MCTP1: variants seen among roughly 807,000 people sequenced by gnomAD.
The protein encoded by MCTP1 is multiple C2 and transmembrane domain containing 1.
In MCTP1, 69 loss-of-function variants were observed where a neutral mutation model predicts 120.6. The observed-to-expected ratio is 0.57, with a 90% CI of 0.47 to 0.70. The LOEUF (loss-of-function observed/expected upper bound fraction) is 0.70. Ranked by LOEUF, MCTP1 falls within the 30% of genes least tolerant of loss-of-function variation. MCTP1 has a pLI of 0.00. For missense variants in MCTP1, 1,203 were observed against 1,248.8 expected, an observed-to-expected ratio of 0.96 and a Z score of 0.55; for synonymous variants, 529 against 493.1, an observed-to-expected ratio of 1.07 and a Z score of -0.96.
intron 8 of MCTP1, 135 bp downstream of exon 8, chr5:94,917,761 A>G (rs1810461353): frequency 3.3e-6 from 2 of 614,106 alleles, no homozygotes; most frequent in Non-Finnish European, 5.9e-6. Context: ...AAAAAAATTA[A>G]GATTACAATT....
chr5:94,946,615 TG>T lies in MCTP1; in HGVS notation c.982-4189del, dbSNP rs1213848919. ...GAGCTAAAGCTAGTTGACACCCACCTGTAGCTCAGTCCTGGTCTTGGCTTTA... is the reference window on the plus strand; with the variant it reads ...GAGCTAAAGCTAGTTGACACCCACCTTAGCTCAGTCCTGGTCTTGGCTTTA... On this transcript the variant is annotated intron_variant, in intron 3 of 22. Transcript: ENST00000515393. Among the ~76,000 whole-genome samples the T allele has an allele frequency of 2.0e-5, 3 of 152,304 alleles. No individual in the cohort carries two copies. The East Asian group carries it at 5.8e-4, about 29-fold the overall frequency.
intron 8 of MCTP1, 43 bp from the exon 9 acceptor site, chr5:94,913,019 C>T (rs780883978): frequency 5.3e-6 from 8 of 1,500,026 alleles, no homozygotes; most frequent in Non-Finnish European, 6.3e-6. Context: ...GTGTTTTAAA[C>T]CCAAAAACCT....
chr5:94,988,025 C>T (rs1830729832), intron 2 of MCTP1, among the ~76,000 whole-genome samples: 1 of 152,174 alleles, frequency 6.6e-6, no homozygotes, highest in African/African-American at 2.4e-5. Flanking sequence ...CCTCTTGCCA[C>T]AGTCACTCCA....
intron 17 of MCTP1, chr5:94,825,980 G>A (rs958647072): frequency 1.5e-5 from 4 of 267,984 alleles, no homozygotes; most frequent in African/African-American, 6.8e-5. Flanking sequence ...TAATAAGCCT[G>A]TTGATCTGGT....
intron 17 of MCTP1, among the ~76,000 whole-genome samples, chr5:94,818,050 T>C (rs1285891578): frequency 2.6e-5 from 4 of 152,298 alleles, no homozygotes; most frequent in Admixed American, 6.5e-5. Context: ...CTGTGGGTCT[T>C]TGGGATTACA....
chr5:95,073,535 C>G (rs1752768921), intron 1 of MCTP1, among the ~76,000 whole-genome samples: 1 of 152,200 alleles, frequency 6.6e-6, no homozygotes, highest in South Asian at 2.1e-4. Flanking sequence ...CTACAAAGAT[C>G]TGTTGTTCAC....
intron 17 of MCTP1, chr5:94,826,276 T>C: frequency 2.2e-6 from 1 of 464,398 alleles, no homozygotes. Context: ...GGAACCCCCA[T>C]GCAATATATG....
At chr5:94,988,379 A>G (rs1475087294) in intron 2 of MCTP1, among the ~76,000 whole-genome samples, 3 of 152,056 alleles carry the variant, frequency 2.0e-5, no homozygotes, top group African/African-American at 7.2e-5. Flanking sequence ...AGTCATTTCA[A>G]TCTTCCCTAA....
At chr5:94,940,047 C>T in intron 5 of MCTP1, 37 bp downstream of exon 5, 1 of 1,263,754 alleles carries the variant, frequency 7.9e-7, no homozygotes. Flanking sequence ...AACTTTCAAA[C>T]AAGAAAGAGC....
At position 94,706,518 on chromosome 5, in the gene MCTP1, A is replaced by C. The variant is rs1337081879; in HGVS notation, c.*978T>G. On this transcript the variant is annotated 3_prime_UTR_variant, in exon 23 of 23. Coordinates refer to ENST00000515393, the MANE Select transcript of MCTP1 (RefSeq NM_024717.7). The stretch of plus-strand genomic sequence containing the variant: ...CACTGAATTCTCTACATTAAAATTC[A>C]CACTAATAACAAAATCATAGTATGA... 1 of 151,768 alleles carries C rather than the reference A, an allele frequency of 6.6e-6. No homozygotes were observed. The highest frequency in any genetic ancestry group is 1.5e-5 in the Non-Finnish European group (1 of 67,796). The allele number at this position is 151,768 out of a possible 1,614,324, so 9.4% of individuals were successfully genotyped here.
At chr5:94,765,708 GA>G (rs70978128) in intron 19 of MCTP1, among the ~76,000 whole-genome samples, 5,513 of 109,204 alleles carry the variant, frequency 0.05, 103 homozygotes, top group African/African-American at 0.084. Flanking sequence ...TCTCAAAAAA[GA>G]AAAAAAAAAA....
chr5:94,812,676 T>G (rs1317226315), intron 17 of MCTP1, among the ~76,000 whole-genome samples: 2 of 151,704 alleles, frequency 1.3e-5, no homozygotes, highest in Non-Finnish European at 2.9e-5. Context: ...AGGTAGGTGA[T>G]CGCTTAGCCC....
chr5:94,989,855 G>A (rs1831186408), intron 2 of MCTP1, among the ~76,000 whole-genome samples: 1 of 152,142 alleles, frequency 6.6e-6, no homozygotes, highest in Non-Finnish European at 1.5e-5. Flanking sequence ...AGAGTTTGGA[G>A]AGCTTCTGGG....
intron 17 of MCTP1, among the ~76,000 whole-genome samples, chr5:94,852,530 G>A (rs867013090): frequency 2.6e-5 from 4 of 151,906 alleles, no homozygotes; most frequent in African/African-American, 9.6e-5. Context: ...ATTATAGTTG[G>A]TGGATACTTA....
chr5:95,056,155 G>T (rs1329845287), intron 1 of MCTP1, among the ~76,000 whole-genome samples: 1 of 152,156 alleles, frequency 6.6e-6, no homozygotes, highest in Non-Finnish European at 1.5e-5. Flanking sequence ...TGAATGTAAT[G>T]AGTTCTTTGT....
chr5:94,953,385 A>G lies in MCTP1; in HGVS notation c.839-24T>C, dbSNP rs202109090. 51 of 1,534,092 alleles carry G rather than the reference A, an allele frequency of 3.3e-5. No homozygotes were observed. The East Asian group carries it at 1.2e-3, about 36-fold the overall frequency. On this transcript the variant is annotated intron_variant, in intron 2 of 22. Transcript: ENST00000515393. ...CCCTGTTAAATAGATAGATTGATCCATGTTAATCATGACTTGGTTTGGAAG... is the reference window on the plus strand; with the variant it reads ...CCCTGTTAAATAGATAGATTGATCCGTGTTAATCATGACTTGGTTTGGAAG...
At chr5:94,956,134 T>G (rs60313866) in intron 2 of MCTP1, among the ~76,000 whole-genome samples, 2 of 152,120 alleles carry the variant, frequency 1.3e-5, no homozygotes, top group South Asian at 4.1e-4. Flanking sequence ...CAGTCTGGAG[T>G]TGACCCCAGC....
At chr5:95,212,945 A>C (rs1229834547) in intron 1 of MCTP1, among the ~76,000 whole-genome samples, 1 of 152,170 alleles carries the variant, frequency 6.6e-6, no homozygotes. Flanking sequence ...TCCCTTTGAA[A>C]ACCGGCACAA....
intron 1 of MCTP1, among the ~76,000 whole-genome samples, chr5:95,171,617 C>T (rs1747301985): frequency 6.6e-6 from 1 of 152,146 alleles, no homozygotes; most frequent in South Asian, 2.1e-4. Context: ...TTTCTTTTTA[C>T]TCGTTTTTCT....
Sources: allele counts gnomAD v4.1 joint callset (sites outside exome capture counted in the v4.1 genomes callset), GRCh38; gene constraint gnomAD v4.1.1; transcripts MANE v1.5; gene names NCBI Gene and HGNC (gene_info 2026-07-23, HGNC 2026-07-21).